The following RAD51D variants were observed in gnomAD, a reference collection of about 807,000 sequenced individuals.
RAD51D encodes the protein RAD51 paralog D.
In RAD51D, 38 loss-of-function variants were observed where a neutral mutation model predicts 44.1. The ratio of observed to expected loss-of-function variants is 0.86; its 90% CI spans 0.67 to 1.13. The LOEUF is 1.13. RAD51D is among the 50% of genes most tolerant of loss of function. RAD51D has a pLI of 0.00. For synonymous variants in RAD51D, 141 were observed against 166.6 expected (o/e 0.85, Z 1.18); for missense variants, 390 against 414.0 (o/e 0.94, Z 0.50).
chr17:35,101,806 A>G (rs1032037430), intron 8 of RAD51D, among the ~76,000 whole-genome samples: 1 of 152,212 alleles, frequency 6.6e-6, no homozygotes. Context: ...CACAAAAAGT[A>G]AATACCATAT....
At chr17:35,115,398 C>T (rs2091724783) in intron 3 of RAD51D, 1 of 455,038 alleles carries the variant, frequency 2.2e-6, no homozygotes, top group African/African-American at 2.0e-5. Flanking sequence ...AAGTACGTTA[C>T]ATGCTATAAC....
rs757426326 is a variant in RAD51D, at chr17:35,100,518, C to CAG, written c.*433_*434dup. ...GGCCCCCATCTAACAAATGGAAAGG[C>CAG]AGAGACAAAAGAAAAAAAAGGCAGC... On this transcript the variant is annotated 3_prime_UTR_variant, in exon 10 of 10. Transcript: ENST00000345365. The CAG allele has an allele frequency of 1.9e-6, 1 of 537,530 alleles. No homozygotes were observed. The allele number at this position is 537,530 out of a possible 1,614,324, so 33.3% of individuals were successfully genotyped here.
rs1567735758 is a variant in RAD51D, at chr17:35,119,093, T to A, written c.144+18A>T. On this transcript the variant is annotated intron_variant, in intron 2 of 9. Coordinates refer to ENST00000345365, the MANE Select transcript of RAD51D (RefSeq NM_002878.4). ...TAAAAAGACACTCAGGTTTGGAATG[T>A]GGAGATCAGGAGCTCACCTTGTAAG... The A allele has an allele frequency of 2.5e-6, 4 of 1,608,578 alleles. No homozygotes were observed. Among genetic ancestry groups the A allele is most frequent in the Non-Finnish European group, 3.4e-6 (4 of 1,174,950 alleles).
Position 35,103,482 on chromosome 17 carries a change from G to C in RAD51D, c.639C>G (p.Ser213=), listed in dbSNP as rs2091564148. ...CCCTCTGCTGACCTCCCAGAAGTGG[G>C]GAAACCACCGCAGTGACCGAGTCCA... ...VVVDSVTAVV[S]PLLGGQQREG... The change falls in exon 7 of 10, where the codon TCC becomes TCG. Residue 213 remains serine (S), a synonymous_variant. Coordinates refer to ENST00000345365, the MANE Select transcript of RAD51D (RefSeq NM_002878.4). This position sits in a 1 kb window ranked among gnomAD's most constrained non-coding sequence, Gnocchi z 4.1. The C allele has an allele frequency of 6.2e-7, 1 of 1,614,010 alleles. No homozygotes were observed. The highest frequency in any genetic ancestry group is 2.2e-5 in the East Asian group (1 of 44,896).
chr17:35,118,456 C>G, intron 3 of RAD51D, 45 bp downstream of exon 3: 1 of 1,494,892 alleles, frequency 6.7e-7, no homozygotes, highest in Non-Finnish European at 9.3e-7. Flanking sequence ...AGAGGAGGCC[C>G]CATCCTCCTG....
Position 35,101,187 on chromosome 17 carries a change from T to C in RAD51D, c.903+14A>G. On this transcript the variant is annotated intron_variant, in intron 9 of 9. Transcript: ENST00000345365. ...GGGCCCAAGATTACTGGCATCTTCC[T>C]GGGGCTGGCTCACCTGTCGGGAAGA... is the stretch of plus-strand genomic sequence containing the variant. The C allele has an allele frequency of 1.2e-6, 2 of 1,614,120 alleles. No homozygotes were observed. Among genetic ancestry groups the C allele is most frequent in the Non-Finnish European group, 8.5e-7 (1 of 1,179,996 alleles).
chr17:35,101,832 A>G (rs1199924895), intron 8 of RAD51D, among the ~76,000 whole-genome samples: 1 of 152,208 alleles, frequency 6.6e-6, no homozygotes, highest in African/African-American at 2.4e-5. Flanking sequence ...CATGTATATG[A>G]GGTTCCTAGA....
In RAD51D at chr17:35,106,206, T is replaced by G. The variant is rs1301688696; in HGVS notation, c.576+180A>C. On this transcript the variant is annotated intron_variant, in intron 6 of 9. Coordinates refer to ENST00000345365, the MANE Select transcript of RAD51D (RefSeq NM_002878.4). ...TACTGTTCAGCAGGGAAGATGAACA[T>G]GTAAACAATGAGGTATGTGATTTAG... 5.4e-6 allele frequency: 4 copies of G among 742,576 alleles called. No individual in the cohort carries two copies. The East Asian group carries it at 7.6e-5, about 14-fold the overall frequency. 46.0% of individuals were successfully genotyped at this position (742,576 alleles called of 1,614,324 possible). A position where few individuals can be genotyped will look rare whatever the true frequency, so the allele number is the denominator to read the frequency against.
At position 35,103,209 on chromosome 17, in the gene RAD51D, G is replaced by T. The variant is rs762047450; in HGVS notation, c.738+45C>A. On this transcript the variant is annotated intron_variant, in intron 8 of 9. Transcript: ENST00000345365. This position sits in a 1 kb window ranked among gnomAD's most constrained non-coding sequence, Gnocchi z 4.1. Reference sequence around the variant, plus strand: ...GACATTTAAGGGAAATAAAGAGCTCGCAATAACTAGAAATCAAGTTCATTG... The same window carrying T: ...GACATTTAAGGGAAATAAAGAGCTCTCAATAACTAGAAATCAAGTTCATTG... 1.9e-6 allele frequency: 3 copies of T among 1,545,308 alleles called. No homozygotes were observed. The highest frequency in any genetic ancestry group is 2.6e-6 in the Non-Finnish European group (3 of 1,134,690).
rs1281448312 is a variant in RAD51D at position 35,097,550 on chromosome 17, T to C, written c.*3403A>G. On this transcript the variant is annotated 3_prime_UTR_variant, in exon 10 of 10. Coordinates refer to ENST00000345365, the MANE Select transcript of RAD51D (RefSeq NM_002878.4). ...ATATATATATGTATATGTATATGTA[T>C]ATTTTTTTCCTAAGAACTAGAGAGT... 2.6e-5 allele frequency: 4 copies of C among 151,548 alleles called. No individual in the cohort carries two copies. The highest frequency in any genetic ancestry group is 4.4e-5 in the Non-Finnish European group (3 of 67,920). 9.4% of individuals were successfully genotyped at this position (151,548 alleles called of 1,614,324 possible). A position where few individuals can be genotyped will look rare whatever the true frequency, so the allele number is the denominator to read the frequency against.
At chr17:35,108,946 A>T (rs1424300873) in intron 3 of RAD51D, among the ~76,000 whole-genome samples, 1 of 148,084 alleles carries the variant, frequency 6.8e-6, no homozygotes, top group Non-Finnish European at 1.5e-5. Flanking sequence ...AGCTCATTGC[A>T]ACCTCCACCT....
intron 2 of RAD51D, among the ~76,000 whole-genome samples, 171 bp downstream of exon 2, chr17:35,118,940 A>G (rs1468591079): frequency 6.6e-6 from 1 of 152,076 alleles, no homozygotes; most frequent in African/African-American, 2.4e-5. Context: ...ACAGGGTTTC[A>G]CCATGTTGGC....
chr17:35,118,452 G>T (rs1433378233), intron 3 of RAD51D, 49 bp downstream of exon 3: 1 of 1,490,060 alleles, frequency 6.7e-7, no homozygotes, highest in Non-Finnish European at 9.4e-7. Context: ...GCTGAGAGGA[G>T]GCCCCATCCT....
At position 35,100,148 on chromosome 17, in the gene RAD51D, A is replaced by G; in HGVS notation, c.*805T>C. On this transcript the variant is annotated 3_prime_UTR_variant, in exon 10 of 10. Coordinates refer to ENST00000345365, the MANE Select transcript of RAD51D (RefSeq NM_002878.4). Reference sequence around the variant, plus strand: ...GTACTGTGGAGGGGCCCCACAGGGCACCATGCATATTAAATGAGTGGCTGG... The same window carrying G: ...GTACTGTGGAGGGGCCCCACAGGGCGCCATGCATATTAAATGAGTGGCTGG... The G allele has an allele frequency of 1.9e-6, 1 of 533,030 alleles. No homozygotes were observed. Among genetic ancestry groups the G allele is most frequent in the Non-Finnish European group, 3.6e-6 (1 of 275,548 alleles). 33.0% of individuals were successfully genotyped at this position (533,030 alleles called of 1,614,324 possible). A position where few individuals can be genotyped will look rare whatever the true frequency, so the allele number is the denominator to read the frequency against.
chr17:35,114,389 A>T (rs1313068230), intron 3 of RAD51D, among the ~76,000 whole-genome samples: 1 of 152,192 alleles, frequency 6.6e-6, no homozygotes, highest in Non-Finnish European at 1.5e-5. Flanking sequence ...GCTTCAAAAA[A>T]ATACTGATGC....
Position 35,106,697 on chromosome 17 carries a change from T to C in RAD51D, c.481-216A>G, listed in dbSNP as rs549856465. Among the ~76,000 whole-genome samples, 207 of 152,224 alleles carry C rather than the reference T, an allele frequency of 1.4e-3. 1 individual carries two copies. Among genetic ancestry groups the C allele is most frequent in the Non-Finnish European group, 2.4e-3 (164 of 68,014 alleles). On this transcript the variant is annotated intron_variant, in intron 5 of 9. Transcript: ENST00000345365. The stretch of plus-strand genomic sequence containing the variant: ...AGGAAAGAGGGATATGACTGATTAG[T>C]GATGTCTCTCACAGGTGAGAAATGG...
At chr17:35,107,284 G>C in intron 4 of RAD51D, 82 bp downstream of exon 4, 2 of 1,457,798 alleles carry the variant, frequency 1.4e-6, no homozygotes, top group Non-Finnish European at 1.9e-6. Context: ...CCATTAGTAC[G>C]CTGAAGCTCC....
In RAD51D at chr17:35,092,354, G is replaced by A. The variant is rs973473114; in HGVS notation, c.*8599C>T. ...TTATTTCTTTTATTAGTAGCAGCACGGCTTGGAAGTCCTAGTGCCCTGATT... is the reference window on the plus strand; with the variant it reads ...TTATTTCTTTTATTAGTAGCAGCACAGCTTGGAAGTCCTAGTGCCCTGATT... On this transcript the variant is annotated 3_prime_UTR_variant, in exon 10 of 10. Coordinates refer to ENST00000345365, the MANE Select transcript of RAD51D (RefSeq NM_002878.4). The A allele has an allele frequency of 1.3e-5, 2 of 152,270 alleles. No individual in the cohort carries two copies. The highest frequency in any genetic ancestry group is 4.1e-4 in the South Asian group (2 of 4,826). 9.4% of individuals were successfully genotyped at this position (152,270 alleles called of 1,614,324 possible).
chr17:35,112,116 C>T (rs2091685397), intron 3 of RAD51D, among the ~76,000 whole-genome samples: 1 of 152,190 alleles, frequency 6.6e-6, no homozygotes, highest in African/African-American at 2.4e-5. Context: ...CTCGCTCTGT[C>T]GCCCAGGCTG....
Sources: gnomAD v4.1 joint callset for allele counts (sites outside exome capture counted in the v4.1 genomes callset) on GRCh38, gnomAD v4.1.1 for gene constraint, Gnocchi (gnomAD v3.1) non-coding constraint, MANE v1.5 for transcripts, NCBI Gene and HGNC (gene_info 2026-07-23, HGNC 2026-07-21) for gene names.